HFM1: variants seen among roughly 807,000 people sequenced by gnomAD.
HFM1 encodes the protein helicase for meiosis 1, also known as probable ATP-dependent DNA helicase HFM1.
In HFM1, 169 loss-of-function variants were observed where a neutral mutation model predicts 192.1. The ratio of observed to expected loss-of-function variants is 0.88; its 90% CI spans 0.78 to 1.00. The LOEUF is 1.00. HFM1 is among the 50% of genes least tolerant of loss of function. The probability of loss-of-function intolerance (pLI) is 0.00; values close to 1 mark genes in which losing one functional copy is unlikely to be tolerated. For missense variants in HFM1, 1,661 were observed against 1,668.0 expected (o/e 1.00, Z 0.07); for synonymous variants, 525 against 537.8 (o/e 0.98, Z 0.33).
intron 11 of HFM1, among the ~76,000 whole-genome samples, chr1:91,377,057 A>C (rs952122859): frequency 6.8e-5 from 10 of 146,610 alleles, no homozygotes; most frequent in African/African-American, 2.5e-4. Context: ...GTATTGAAGA[A>C]TATTTAATGA....
At chr1:91,312,265 C>A (rs1355242919) in intron 30 of HFM1, among the ~76,000 whole-genome samples, 1 of 152,082 alleles carries the variant, frequency 6.6e-6, no homozygotes, top group Non-Finnish European at 1.5e-5. Context: ...AATGGTAGAT[C>A]CACCGACAGC....
chr1:91,307,989 CTGT>C (rs1282068660), intron 30 of HFM1, among the ~76,000 whole-genome samples: 4 of 152,128 alleles, frequency 2.6e-5, no homozygotes, highest in Non-Finnish European at 4.4e-5. Flanking sequence ...GTCAGTTTCA[CTGT>C]TGTTATTTTG....
chr1:91,396,525 A>T (rs759395556), intron 2 of HFM1, 120 bp from the exon 3 acceptor site: 38 of 565,376 alleles, frequency 6.7e-5, no homozygotes, highest in Non-Finnish European at 1.0e-4. Context: ...ACTTTCTGTC[A>T]GCACTTTGAT....
chr1:91,289,898 C>T (rs1668533790), intron 30 of HFM1, among the ~76,000 whole-genome samples: 1 of 151,628 alleles, frequency 6.6e-6, no homozygotes, highest in South Asian at 2.1e-4. Flanking sequence ...AGAGGGTCAA[C>T]ATTCTTAAAG....
chr1:91,406,118 C>T (rs1416716364), upstream of HFM1, among the ~76,000 whole-genome samples: 3 of 152,188 alleles, frequency 2.0e-5, no homozygotes, highest in South Asian at 2.1e-4. Flanking sequence ...AGAGTTAGCT[C>T]GCTCTTTTCC....
Position 91,378,116 on chromosome 1 carries a change from A to G in HFM1, c.1304T>C (p.Val435Ala). 2.5e-6 allele frequency: 4 copies of G among 1,611,036 alleles called. No individual in the cohort carries two copies. Among genetic ancestry groups the G allele is most frequent in the Non-Finnish European group, 3.4e-6 (4 of 1,178,012 alleles). Reference protein sequence around the residue: ...LEVVVSRMKTVQSVSQTLKNT... With the variant: ...LEVVVSRMKTAQSVSQTLKNT... The stretch of plus-strand genomic sequence containing the variant: ...TTTTAAAGTCTGAGAAACAGACTGT[A>G]CAGTTTTCATTCTGCTAACTACAAC... Residue 435 changes from valine (V) to alanine (A), a missense_variant, in exon 11 of 39, where the codon GTA (valine) becomes GCA (alanine). Coordinates refer to ENST00000370425, the MANE Select transcript of HFM1 (RefSeq NM_001017975.6).
At chr1:91,322,447 G>A (rs138138236) in intron 23 of HFM1, among the ~76,000 whole-genome samples, 100 of 152,282 alleles carry the variant, frequency 6.6e-4, no homozygotes, top group African/African-American at 2.4e-3. Flanking sequence ...ACTGCAAACT[G>A]CTAAAAGTCA....
At chr1:91,379,502 A>G (rs1661300682) in intron 8 of HFM1, among the ~76,000 whole-genome samples, 1 of 152,194 alleles carries the variant, frequency 6.6e-6, no homozygotes, top group Non-Finnish European at 1.5e-5. Flanking sequence ...TTTTACAAAC[A>G]TTACAAATTT....
intron 30 of HFM1, among the ~76,000 whole-genome samples, chr1:91,297,605 C>T (rs757366639): frequency 3.3e-5 from 5 of 152,198 alleles, no homozygotes; most frequent in Non-Finnish European, 7.3e-5. Context: ...TCCAGAGGAA[C>T]GATCAGGCAG....
chr1:91,291,850 C>T (rs1668801575), intron 30 of HFM1, among the ~76,000 whole-genome samples: 1 of 152,112 alleles, frequency 6.6e-6, no homozygotes, highest in African/African-American at 2.4e-5. Context: ...AAAGCTTACC[C>T]ACCATGATCA....
At chr1:91,320,577 A>T (rs1651943074) in intron 23 of HFM1, among the ~76,000 whole-genome samples, 1 of 152,222 alleles carries the variant, frequency 6.6e-6, no homozygotes, top group African/African-American at 2.4e-5. Context: ...TATTTATATT[A>T]AAAAGCAATA....
rs1327294793 is a variant in HFM1, at chr1:91,343,480, G to A, written c.2285C>T (p.Ser762Leu). ...ATCCATCTTTATTAAGTCCAGGGAT[G>A]ATAAATCATTCAGATTCTTCAAACA... ...ELCLKNLNDL[S>L]SLDLIKMDEG... is the part of the protein sequence containing the mutation. Residue 762 changes from serine (S) to leucine (L), a missense_variant, in exon 20 of 39, where the codon TCA becomes TTA. By Grantham distance (145) the Ser-to-Leu change is moderately radical. Coordinates refer to ENST00000370425, the MANE Select transcript of HFM1 (RefSeq NM_001017975.6). The A allele has an allele frequency of 7.0e-7, 1 of 1,428,422 alleles. No individual in the cohort carries two copies. The highest frequency in any genetic ancestry group is 9.6e-7 in the Non-Finnish European group (1 of 1,042,336). The allele number at this position is 1,428,422 out of a possible 1,614,324, so 88.5% of individuals were successfully genotyped here. A position where few individuals can be genotyped will look rare whatever the true frequency, so the allele number is the denominator to read the frequency against.
intron 30 of HFM1, among the ~76,000 whole-genome samples, chr1:91,285,015 A>G (rs962173725): frequency 1.3e-5 from 2 of 152,144 alleles, no homozygotes; most frequent in Non-Finnish European, 2.9e-5. Context: ...GTGGTAGTGA[A>G]TAAGTCTCAC....
intron 13 of HFM1, among the ~76,000 whole-genome samples, chr1:91,358,573 T>A (rs1658054544): frequency 1.3e-5 from 2 of 152,162 alleles, no homozygotes; most frequent in Admixed American, 1.3e-4. Flanking sequence ...TAAATGAGGC[T>A]GGAAAAACAA....
chr1:91,397,628 C>G (rs1378256030), intron 2 of HFM1, among the ~76,000 whole-genome samples: 1 of 152,234 alleles, frequency 6.6e-6, no homozygotes, highest in South Asian at 2.1e-4. Context: ...CAACGTCTAA[C>G]AGACTGTTTA....
At chr1:91,331,109 T>C (rs965095237) in intron 20 of HFM1, among the ~76,000 whole-genome samples, 1 of 152,198 alleles carries the variant, frequency 6.6e-6, no homozygotes, top group Non-Finnish European at 1.5e-5. Flanking sequence ...TTCACCATAG[T>C]ATTGGAAGTC....
At chr1:91,366,335 G>GT (rs1229294462) in intron 13 of HFM1, among the ~76,000 whole-genome samples, 10 of 152,070 alleles carry the variant, frequency 6.6e-5, no homozygotes, top group Non-Finnish European at 1.2e-4. Context: ...AAAGAATTCC[G>GT]TAAGTCTCTC....
chr1:91,369,512 G>A (rs1659870369), intron 13 of HFM1, among the ~76,000 whole-genome samples: 1 of 152,154 alleles, frequency 6.6e-6, no homozygotes, highest in Admixed American at 6.6e-5. Flanking sequence ...ATAATGAAAT[G>A]AAGGCAGAAA....
At position 91,375,717 on chromosome 1, in the gene HFM1, C is replaced by T. The variant is rs746902726; in HGVS notation, c.1406G>A (p.Trp469Ter). 1.2e-6 allele frequency: 2 copies of T among 1,612,720 alleles called. No homozygotes were observed. Among genetic ancestry groups the T allele is most frequent in the Non-Finnish European group, 1.7e-6 (2 of 1,179,150 alleles). Reference sequence around the variant, plus strand: ...AGCTGGTCTTTCACCATCTGAAAGCCATTCTGCAATCTTTGAAACACAAAA... The same window carrying T: ...AGCTGGTCTTTCACCATCTGAAAGCTATTCTGCAATCTTTGAAACACAAAA... ...TIPNAEDIAE[W>*]LSDGERPAVC... Residue 469 changes from tryptophan to a stop codon, truncating the protein, a stop_gained, in exon 12 of 39, where the codon TGG (tryptophan) becomes TAG (stop). Transcript: ENST00000370425. LOFTEE classifies it high-confidence loss of function.
Sources: allele counts gnomAD v4.1 joint callset (sites outside exome capture counted in the v4.1 genomes callset), GRCh38; gene constraint gnomAD v4.1.1; transcripts MANE v1.5; gene names NCBI Gene and HGNC (gene_info 2026-07-23, HGNC 2026-07-21).